The following TSPAN11 variants were observed in gnomAD, a reference collection of about 807,000 sequenced individuals.
The protein encoded by TSPAN11 is tetraspanin 11, also known as tetraspanin-11.
A neutral mutation model predicts 32.9 loss-of-function variants in TSPAN11; 29 were observed. The observed-to-expected ratio is 0.88, with a 90% CI of 0.66 to 1.20. The LOEUF is 1.20. Among genes scored for constraint, TSPAN11 ranks in the 50% most tolerant of loss-of-function variants. TSPAN11 has a pLI of 0.00. For missense variants in TSPAN11, 283 were observed against 329.1 expected (o/e 0.86, Z 1.08); for synonymous variants, 140 against 141.3 (o/e 0.99, Z 0.07).
intron 1 of TSPAN11, among the ~76,000 whole-genome samples, chr12:30,941,840 GC>G (rs1273478729): frequency 6.6e-6 from 1 of 152,260 alleles, no homozygotes; most frequent in African/African-American, 2.4e-5. Context: ...GCTGCGCCTT[GC>G]TTCCATCTTG....
chr12:31,003,863 A>G, the TSPAN11 span, among the ~76,000 whole-genome samples: 1 of 152,072 alleles, frequency 6.6e-6, no homozygotes, highest in South Asian at 2.1e-4. Flanking sequence ...CCCATCCAGC[A>G]CCCTAAGACC....
rs551781549 is a variant in TSPAN11 at position 30,974,528 on chromosome 12, T to C, written c.277-4033T>C. Among the ~76,000 whole-genome samples the C allele has an allele frequency of 5.3e-5, 8 of 152,360 alleles. No individual in the cohort carries two copies. In the East Asian group the frequency reaches 1.5e-3, roughly 29 times the overall value. On this transcript the variant is annotated intron_variant, in intron 3 of 7. Coordinates refer to ENST00000546076, the MANE Select transcript of TSPAN11 (RefSeq NM_001370302.1). ...TAAGCTACTGCCCGCAGCATGGGGC[T>C]GGTTATGCTCCAGCCAGTTTCTGCT...
chr12:31,007,601 T>C, the TSPAN11 span, among the ~76,000 whole-genome samples: 1 of 145,190 alleles, frequency 6.9e-6, no homozygotes, highest in African/African-American at 2.5e-5. Context: ...TTGGCCCCTC[T>C]GCCACCCTCA....
chr12:30,958,829 C>T (rs370774319), intron 2 of TSPAN11, among the ~76,000 whole-genome samples: 9 of 152,024 alleles, frequency 5.9e-5, no homozygotes, highest in Non-Finnish European at 7.4e-5. Flanking sequence ...GGCCCAAGAG[C>T]GTGGCATCAT....
chr12:31,014,897 C>G, the TSPAN11 span, among the ~76,000 whole-genome samples: 1 of 152,218 alleles, frequency 6.6e-6, no homozygotes, highest in South Asian at 2.1e-4. Context: ...GAAAAGATGA[C>G]AATCACTTCT....
At chr12:31,009,602 C>T in the TSPAN11 span, among the ~76,000 whole-genome samples, 1 of 152,106 alleles carries the variant, frequency 6.6e-6, no homozygotes, top group Non-Finnish European at 1.5e-5. Flanking sequence ...CACCTTGGTG[C>T]GATGATACAT....
chr12:30,935,042 G>A (rs1938014262), intron 1 of TSPAN11, among the ~76,000 whole-genome samples: 1 of 152,060 alleles, frequency 6.6e-6, no homozygotes, highest in South Asian at 2.1e-4. Context: ...ATCATGGGAA[G>A]CAAGGACTTC....
chr12:31,007,591 T>G, the TSPAN11 span, among the ~76,000 whole-genome samples: 1 of 140,362 alleles, frequency 7.1e-6, no homozygotes, highest in South Asian at 2.5e-4. Context: ...CCCCGACCCC[T>G]TGGCCCCTCT....
chr12:31,004,475 T>G, the TSPAN11 span, among the ~76,000 whole-genome samples: 2 of 152,142 alleles, frequency 1.3e-5, no homozygotes, highest in Non-Finnish European at 2.9e-5. Context: ...ACTGGACATC[T>G]TTCCCTCCCT....
rs1019943999 is a variant in TSPAN11, at chr12:30,982,504, C to T, written c.457-28C>T. On this transcript the variant is annotated intron_variant, in intron 5 of 7. Transcript: ENST00000546076. ...GGACCCTACGCAGGCCTCTCACCTCCAGCCTCTGCCTCTGCCTCTGCCTCC... is the reference window on the plus strand; with the variant it reads ...GGACCCTACGCAGGCCTCTCACCTCTAGCCTCTGCCTCTGCCTCTGCCTCC... 3.8e-6 allele frequency: 6 copies of T among 1,592,504 alleles called. No individual in the cohort carries two copies. In the Admixed American group the frequency reaches 6.7e-5, roughly 18 times the overall value.
chr12:30,951,372 TA>T (rs909299652), intron 1 of TSPAN11, among the ~76,000 whole-genome samples: 1 of 152,218 alleles, frequency 6.6e-6, no homozygotes, highest in Non-Finnish European at 1.5e-5. Context: ...TAACAAATAT[TA>T]GGGGAACCAG....
At chr12:30,958,454 T>C (rs58725913) in intron 2 of TSPAN11, among the ~76,000 whole-genome samples, 37,509 of 152,102 alleles carry the variant, frequency 0.25, 4,926 homozygotes, top group African/African-American at 0.35. Context: ...CACGCTTTCA[T>C]GTGCCCTCCT....
chr12:30,960,316 A>G (rs76155724), intron 2 of TSPAN11, among the ~76,000 whole-genome samples: 1,860 of 151,934 alleles, frequency 0.012, 40 homozygotes, highest in East Asian at 0.079. Context: ...TACACTTCCC[A>G]TCACCCTGTG....
intron 2 of TSPAN11, among the ~76,000 whole-genome samples, chr12:30,957,817 C>T (rs1208350510): frequency 7.4e-5 from 2 of 27,120 alleles, no homozygotes; most frequent in African/African-American, 4.1e-4. Context: ...CCTTCCTTCC[C>T]TCCTTCCCTC....
At chr12:30,963,224 G>C (rs1938649605) in intron 2 of TSPAN11, among the ~76,000 whole-genome samples, 2 of 152,194 alleles carry the variant, frequency 1.3e-5, no homozygotes, top group African/African-American at 4.8e-5. Context: ...TGGGCTCTGA[G>C]TTCTCCTCCT....
At chr12:30,932,276 T>A (rs1169316999) in intron 1 of TSPAN11, among the ~76,000 whole-genome samples, 1 of 152,238 alleles carries the variant, frequency 6.6e-6, no homozygotes. Context: ...AAAATTAAAA[T>A]TTTAAATTAT....
At chr12:30,989,424 C>G (rs933348264) in intron 7 of TSPAN11, among the ~76,000 whole-genome samples, 22 of 152,096 alleles carry the variant, frequency 1.4e-4, no homozygotes, top group African/African-American at 5.1e-4. Context: ...CCTGCCTGGC[C>G]TCTCAAAGGA....
At chr12:31,004,944 C>T in the TSPAN11 span, among the ~76,000 whole-genome samples, 2 of 152,206 alleles carry the variant, frequency 1.3e-5, no homozygotes, top group African/African-American at 2.4e-5. Context: ...TAGCCTCCTT[C>T]CCACTCCTCT....
At chr12:30,945,498 C>T (rs954661884) in intron 1 of TSPAN11, among the ~76,000 whole-genome samples, 4 of 152,108 alleles carry the variant, frequency 2.6e-5, no homozygotes, top group African/African-American at 9.7e-5. Context: ...TCTCTGCCAC[C>T]CATCACCATT....
Sources: allele counts gnomAD v4.1 joint callset (sites outside exome capture counted in the v4.1 genomes callset), GRCh38; gene constraint gnomAD v4.1.1; transcripts MANE v1.5; gene names NCBI Gene and HGNC (gene_info 2026-07-23, HGNC 2026-07-21).